ARHGAP35: variants seen among roughly 807,000 people sequenced by gnomAD.
ARHGAP35 encodes the protein Rho GTPase activating protein 35, also known as rho GTPase-activating protein 35.
A neutral mutation model predicts 111.1 loss-of-function variants in ARHGAP35; 15 were observed. The ratio of observed to expected loss-of-function variants is 0.13; its 90% CI spans 0.09 to 0.21. The LOEUF (loss-of-function observed/expected upper bound fraction) is 0.21, where lower values mean the gene tolerates loss of function less well. ARHGAP35 is among the 10% of genes least tolerant of loss of function. The pLI is 1.00. For missense variants in ARHGAP35, 1,262 were observed against 1,873.0 expected (o/e 0.67, Z 6.02); for synonymous variants, 643 against 710.3 (o/e 0.91, Z 1.51).
chr19:46,933,545 G>A (rs2056286285), intron 2 of ARHGAP35, among the ~76,000 whole-genome samples: 1 of 152,150 alleles, frequency 6.6e-6, no homozygotes, highest in Non-Finnish European at 1.5e-5. Flanking sequence ...AAAAGCACAG[G>A]TTTCGCAGTC....
chr19:46,894,637 G>T (rs1232854784), intron 1 of ARHGAP35, among the ~76,000 whole-genome samples: 1 of 151,880 alleles, frequency 6.6e-6, no homozygotes, highest in African/African-American at 2.4e-5. Context: ...TTGGAGATGG[G>T]ATTTCACCAT....
rs1421267187 is a variant in ARHGAP35 at position 46,918,145 on chromosome 19, G to A, written c.-188-343G>A. 2.0e-5 allele frequency among the ~76,000 whole-genome samples: 3 copies of A among 151,920 alleles called. No homozygotes were observed. Among genetic ancestry groups the A allele is most frequent in the Non-Finnish European group, 4.4e-5 (3 of 67,980 alleles). On this transcript the variant is annotated intron_variant, in intron 1 of 6. Coordinates refer to ENST00000672722, the MANE Select transcript of ARHGAP35 (RefSeq NM_004491.5). This position sits in a 1 kb window ranked among gnomAD's most constrained non-coding sequence, Gnocchi z 5.4. ...CTGTGTCCTTGTGAGATGCTCCATC[G>A]TTTTTTTTCTTGCATAAAAAGATGT...
intron 1 of ARHGAP35, among the ~76,000 whole-genome samples, chr19:46,890,573 G>A (rs1178092444): frequency 6.6e-6 from 1 of 152,206 alleles, no homozygotes; most frequent in Non-Finnish European, 1.5e-5. Context: ...ATACAGGGTA[G>A]AACAGGAACA....
chr19:46,979,880 A>C (rs1344373932), intron 3 of ARHGAP35, among the ~76,000 whole-genome samples: 1 of 152,082 alleles, frequency 6.6e-6, no homozygotes, highest in Non-Finnish European at 1.5e-5. Context: ...GGGGCAGGGG[A>C]GGGACAGAGG....
intron 2 of ARHGAP35, among the ~76,000 whole-genome samples, chr19:46,933,159 T>TTTTC (rs2056283022): frequency 6.7e-6 from 1 of 148,536 alleles, no homozygotes; most frequent in South Asian, 2.2e-4. Flanking sequence ...TTTTTTTTTT[T>TTTTC]CCGAGACAGG....
intron 3 of ARHGAP35, among the ~76,000 whole-genome samples, chr19:46,979,801 G>T (rs113395450): frequency 6.6e-6 from 1 of 152,110 alleles, no homozygotes; most frequent in African/African-American, 2.4e-5. Context: ...TATCATGGGG[G>T]GAAAGTCTGG....
chr19:46,991,985 A>G (rs1199899433), intron 5 of ARHGAP35, among the ~76,000 whole-genome samples: 1 of 152,252 alleles, frequency 6.6e-6, no homozygotes, highest in Non-Finnish European at 1.5e-5. Context: ...TGTTAGCTCC[A>G]GAATTTCACA....
At chr19:46,973,711 G>A (rs73564857) in intron 3 of ARHGAP35, among the ~76,000 whole-genome samples, 334 of 147,278 alleles carry the variant, frequency 2.3e-3, no homozygotes, top group African/African-American at 8.2e-3. Context: ...TTGAGGGCCA[G>A]GCACAATGGC....
chr19:46,881,572 T>C (rs1568459928), intron 1 of ARHGAP35, among the ~76,000 whole-genome samples: 1 of 152,322 alleles, frequency 6.6e-6, no homozygotes, highest in East Asian at 1.9e-4. Context: ...TTAAAAATAT[T>C]CAGTAAACTA....
intron 3 of ARHGAP35, among the ~76,000 whole-genome samples, chr19:46,958,792 C>T (rs1264853703): frequency 1.3e-5 from 2 of 152,332 alleles, no homozygotes; most frequent in East Asian, 1.9e-4. Flanking sequence ...ACTGCAATTG[C>T]ATGCCTTCTC....
Position 46,920,992 on chromosome 19 carries a change from A to G in ARHGAP35, c.2317A>G (p.Ser773Gly). ...RNLNLVSSTASIKDLADVDLR... is the reference protein window; with the variant it reads ...RNLNLVSSTAGIKDLADVDLR... Reference sequence around the variant, plus strand: ...CTTAAACCTGGTCAGTTCTACTGCTAGCATCAAAGATTTGGCTGATGTTGA... The same window carrying G: ...CTTAAACCTGGTCAGTTCTACTGCTGGCATCAAAGATTTGGCTGATGTTGA... The change falls in exon 2 of 7, where the codon AGC (serine) becomes GGC (glycine). Residue 773 changes from serine to glycine, a missense_variant. This residue lies in a region of ARHGAP35 where 579 missense variants were observed against 716.9 expected (regional missense o/e 0.81). Transcript: ENST00000672722. This position sits in a 1 kb window ranked among gnomAD's most constrained non-coding sequence, Gnocchi z 7.0. 2 of 1,614,016 alleles carry G rather than the reference A, an allele frequency of 1.2e-6. No homozygotes were observed. The highest frequency in any genetic ancestry group is 1.6e-4 in the Middle Eastern group (1 of 6,062).
At chr19:46,930,492 G>A (rs977504889) in intron 2 of ARHGAP35, among the ~76,000 whole-genome samples, 1 of 147,396 alleles carries the variant, frequency 6.8e-6, no homozygotes, top group East Asian at 2.0e-4. Flanking sequence ...ACAAAAAAAG[G>A]CAGTGAATCC....
At chr19:46,975,024 C>T (rs1386769476) in intron 3 of ARHGAP35, among the ~76,000 whole-genome samples, 3 of 152,140 alleles carry the variant, frequency 2.0e-5, no homozygotes, top group Non-Finnish European at 4.4e-5. Context: ...GCGCATGCCA[C>T]CACACCCGGG....
chr19:46,876,785 G>C (rs1176217126), intron 1 of ARHGAP35, among the ~76,000 whole-genome samples: 1 of 152,182 alleles, frequency 6.6e-6, no homozygotes, highest in African/African-American at 2.4e-5. Flanking sequence ...TTACAGGTGT[G>C]AGCACGTGGC....
rs1174516970 is a variant in ARHGAP35, at chr19:46,986,788, A to G, written c.3827-1201A>G. 3.3e-5 allele frequency among the ~76,000 whole-genome samples: 5 copies of G among 152,238 alleles called. No homozygotes were observed. The highest frequency in any genetic ancestry group is 7.2e-5 in the African/African-American group (3 of 41,470). On this transcript the variant is annotated intron_variant, in intron 3 of 6. Coordinates refer to ENST00000672722, the MANE Select transcript of ARHGAP35 (RefSeq NM_004491.5). The surrounding 1 kb of genome is among the most constrained non-coding windows in gnomAD (Gnocchi z 4.3). ...ATTTCCAGTAATCTGTTAAGCTTTT[A>G]CTAGTTGTCAAAAAAACATACTTGT...
chr19:46,998,893 T>C (rs779675716), intron 5 of ARHGAP35, among the ~76,000 whole-genome samples: 2 of 152,246 alleles, frequency 1.3e-5, no homozygotes, highest in Non-Finnish European at 2.9e-5. Flanking sequence ...CTCGAAGGCC[T>C]GTTGGCGTGG....
chr19:46,978,845 G>T (rs2056600714), intron 3 of ARHGAP35, among the ~76,000 whole-genome samples: 1 of 129,306 alleles, frequency 7.7e-6, no homozygotes, highest in Non-Finnish European at 1.6e-5. Context: ...GGATTTGTGT[G>T]GTGGGGTGTG....
chr19:46,930,972 C>T (rs1359882097), intron 2 of ARHGAP35, among the ~76,000 whole-genome samples: 2 of 151,720 alleles, frequency 1.3e-5, no homozygotes, highest in African/African-American at 4.8e-5. Flanking sequence ...AGGAACTTAG[C>T]CTAGTAGAAT....
chr19:46,959,364 C>CT (rs1491461790), intron 3 of ARHGAP35, among the ~76,000 whole-genome samples: 7 of 150,938 alleles, frequency 4.6e-5, no homozygotes, highest in African/African-American at 7.3e-5. Context: ...CAAAAATCTC[C>CT]TTTTTTTATT....
Sources: gnomAD v4.1 joint callset for allele counts (sites outside exome capture counted in the v4.1 genomes callset) on GRCh38, gnomAD v4.1.1 for gene constraint, gnomAD v4.1.1 regional missense constraint, Gnocchi (gnomAD v3.1) non-coding constraint, MANE v1.5 for transcripts, NCBI Gene and HGNC (gene_info 2026-07-23, HGNC 2026-07-21) for gene names.